Variants in GALNT18 observed in about 807,000 individuals in gnomAD.
The protein encoded by GALNT18 is GalNAc-transferase 18.
A neutral mutation model predicts 69.5 loss-of-function variants in GALNT18; 44 were observed. The ratio of observed to expected loss-of-function variants is 0.63; its 90% CI spans 0.50 to 0.81. The LOEUF (loss-of-function observed/expected upper bound fraction) is 0.81. GALNT18 is among the 40% of genes least tolerant of loss of function. The probability of loss-of-function intolerance (pLI) is 0.00; values close to 1 mark genes in which losing one functional copy is unlikely to be tolerated. For missense variants in GALNT18, 715 were observed against 810.0 expected, an observed-to-expected ratio of 0.88 and a Z score of 1.42; for synonymous variants, 364 against 318.2, an observed-to-expected ratio of 1.14 and a Z score of -1.53.
chr11:11,300,684 A>G (rs1036292307), intron 9 of GALNT18, among the ~76,000 whole-genome samples: 7 of 152,284 alleles, frequency 4.6e-5, no homozygotes, highest in African/African-American at 1.4e-4. Context: ...GGATCTTGGA[A>G]GAGGAGGAAT....
intron 1 of GALNT18, among the ~76,000 whole-genome samples, chr11:11,452,406 C>A (rs750686688): frequency 6.6e-6 from 1 of 152,214 alleles, no homozygotes; most frequent in Admixed American, 6.5e-5. Context: ...CGGTGCCTGG[C>A]ACATAGTAAG....
At chr11:11,276,917 A>G (rs1158354587) in intron 10 of GALNT18, among the ~76,000 whole-genome samples, 1 of 152,110 alleles carries the variant, frequency 6.6e-6, no homozygotes, top group East Asian at 1.9e-4. Flanking sequence ...GTTTGCCAGT[A>G]TTTCACTGAT....
At chr11:11,510,281 T>C (rs564513981) in intron 1 of GALNT18, among the ~76,000 whole-genome samples, 1 of 152,264 alleles carries the variant, frequency 6.6e-6, no homozygotes, top group South Asian at 2.1e-4. Flanking sequence ...GGCACTAAAG[T>C]ACACAAACTA....
chr11:11,387,403 C>T lies in GALNT18; in HGVS notation c.596-8139G>A, dbSNP rs553574169. Among the ~76,000 whole-genome samples, 1 of 152,248 alleles carries T rather than the reference C, an allele frequency of 6.6e-6. No individual in the cohort carries two copies. The highest frequency in any genetic ancestry group is 2.1e-4 in the South Asian group (1 of 4,830). On this transcript the variant is annotated intron_variant, in intron 3 of 10. Coordinates refer to ENST00000227756, the MANE Select transcript of GALNT18 (RefSeq NM_198516.3). This position sits in a 1 kb window ranked among gnomAD's most constrained non-coding sequence, Gnocchi z 4.6. ...CCGGCCTGGATTATACCTTTGCCAC[C>T]CCATCCCTCCAGTTGCCCAGGAGGG...
At chr11:11,509,336 T>C (rs1857125990) in intron 1 of GALNT18, among the ~76,000 whole-genome samples, 2 of 152,212 alleles carry the variant, frequency 1.3e-5, no homozygotes, top group Non-Finnish European at 1.5e-5. Flanking sequence ...TAAGTAGTTA[T>C]CATGGGAACA....
intron 3 of GALNT18, among the ~76,000 whole-genome samples, chr11:11,414,428 G>A (rs1158551897): frequency 6.6e-6 from 1 of 152,076 alleles, no homozygotes; most frequent in African/African-American, 2.4e-5. Context: ...GACTTCTTGT[G>A]GCTCTGAGAC....
chr11:11,319,450 G>A (rs1335923134), intron 9 of GALNT18, among the ~76,000 whole-genome samples: 1 of 152,156 alleles, frequency 6.6e-6, no homozygotes, highest in Non-Finnish European at 1.5e-5. Context: ...ACAGTATCTG[G>A]CACATGAATG....
rs569810903 is a variant in GALNT18 at position 11,333,036 on chromosome 11, T to C, written c.1279-205A>G. ...TAGACTACGAAACACGAGGTCAGCATTGCCGGGCCTTGTCATCAAGGGCCA... is the reference window on the plus strand; with the variant it reads ...TAGACTACGAAACACGAGGTCAGCACTGCCGGGCCTTGTCATCAAGGGCCA... On this transcript the variant is annotated intron_variant, in intron 7 of 10. Coordinates refer to ENST00000227756, the MANE Select transcript of GALNT18 (RefSeq NM_198516.3). Among the ~76,000 whole-genome samples, 52 of 151,696 alleles carry C rather than the reference T, an allele frequency of 3.4e-4. 1 individual carries two copies. In the South Asian group the frequency reaches 0.011, roughly 31 times the overall value.
At chr11:11,516,227 C>T (rs775786074) in intron 1 of GALNT18, among the ~76,000 whole-genome samples, 2 of 152,126 alleles carry the variant, frequency 1.3e-5, no homozygotes, top group Admixed American at 1.3e-4. Context: ...GAAGAGCAAA[C>T]ACCTTTAGAC....
intron 1 of GALNT18, among the ~76,000 whole-genome samples, chr11:11,491,763 G>A (rs1330191320): frequency 6.6e-6 from 1 of 152,192 alleles, no homozygotes; most frequent in Non-Finnish European, 1.5e-5. Flanking sequence ...CAGATTGGAT[G>A]GACCAGGCCA....
In GALNT18 at chr11:11,559,009, C is replaced by T. The variant is rs146594544; in HGVS notation, c.235+62350G>A. On this transcript the variant is annotated intron_variant, in intron 1 of 10. Coordinates refer to ENST00000227756, the MANE Select transcript of GALNT18 (RefSeq NM_198516.3). ...AGCCCCAACTCAACCACTTCAGAAACGGTGTTTCACCATGCCTCTGCTTCC... is the reference window on the plus strand; with the variant it reads ...AGCCCCAACTCAACCACTTCAGAAATGGTGTTTCACCATGCCTCTGCTTCC... Among the ~76,000 whole-genome samples, 196 of 152,344 alleles carry T rather than the reference C, an allele frequency of 1.3e-3. 1 individual carries two copies. Among genetic ancestry groups the T allele is most frequent in the Middle Eastern group, 3.4e-3 (1 of 294 alleles).
intron 3 of GALNT18, among the ~76,000 whole-genome samples, chr11:11,427,846 T>A (rs564519097): frequency 6.6e-6 from 1 of 152,182 alleles, no homozygotes; most frequent in East Asian, 1.9e-4. Flanking sequence ...TCACTCCGAT[T>A]CCCCCACCTC....
chr11:11,419,058 C>G (rs1161899226), intron 3 of GALNT18, among the ~76,000 whole-genome samples: 2 of 152,150 alleles, frequency 1.3e-5, no homozygotes, highest in Non-Finnish European at 2.9e-5. Context: ...CTGGAAGTCA[C>G]AGTATGGGCA....
At chr11:11,535,794 C>G (rs2047613776) in intron 1 of GALNT18, among the ~76,000 whole-genome samples, 1 of 152,218 alleles carries the variant, frequency 6.6e-6, no homozygotes. Context: ...CAGGCTCCCA[C>G]CTTCCTCCTG....
chr11:11,566,098 TA>T (rs756940320), intron 1 of GALNT18, among the ~76,000 whole-genome samples: 2 of 152,244 alleles, frequency 1.3e-5, no homozygotes, highest in Admixed American at 1.3e-4. Context: ...GGATCACATA[TA>T]TTTTTTTAAA....
At chr11:11,533,367 T>C (rs1265622053) in intron 1 of GALNT18, among the ~76,000 whole-genome samples, 1 of 152,208 alleles carries the variant, frequency 6.6e-6, no homozygotes, top group African/African-American at 2.4e-5. Flanking sequence ...CAAACCCAGG[T>C]ACCCAGGTCT....
At chr11:11,576,069 T>G (rs1858917344) in intron 1 of GALNT18, among the ~76,000 whole-genome samples, 2 of 152,188 alleles carry the variant, frequency 1.3e-5, no homozygotes, top group Non-Finnish European at 2.9e-5. Context: ...TTTCAGGCAC[T>G]TCCACTGAAC....
At chr11:11,279,056 T>G (rs2132982028) in intron 10 of GALNT18, among the ~76,000 whole-genome samples, 1 of 152,348 alleles carries the variant, frequency 6.6e-6, no homozygotes, top group African/African-American at 2.4e-5. Flanking sequence ...GGATCCCTCA[T>G]GACGGGCTTG....
intron 1 of GALNT18, among the ~76,000 whole-genome samples, chr11:11,453,039 C>T (rs1188482073): frequency 6.6e-6 from 1 of 152,176 alleles, no homozygotes; most frequent in African/African-American, 2.4e-5. Flanking sequence ...CCCCTGCCCT[C>T]ACCCAGCCCT....
Sources: gnomAD v4.1 joint callset for allele counts (sites outside exome capture counted in the v4.1 genomes callset) on GRCh38, gnomAD v4.1.1 for gene constraint, Gnocchi (gnomAD v3.1) non-coding constraint, MANE v1.5 for transcripts, NCBI Gene and HGNC (gene_info 2026-07-23, HGNC 2026-07-21) for gene names.